PDE6B: variants seen among roughly 807,000 people sequenced by gnomAD.
PDE6B encodes the protein rod cGMP-specific 3',5'-cyclic phosphodiesterase subunit beta.
PDE6B carries 106 observed loss-of-function variants against 109.0 expected under a neutral mutation model. The ratio of observed to expected loss-of-function variants is 0.97; its 90% CI spans 0.83 to 1.14. The LOEUF is 1.14. Among genes scored for constraint, PDE6B ranks in the 50% most tolerant of loss-of-function variants. The pLI is 0.00. For missense variants in PDE6B, 1,193 were observed against 1,155.6 expected (o/e 1.03, Z -0.47); for synonymous variants, 490 against 471.3 (o/e 1.04, Z -0.51).
chr4:641,683 G>C lies in PDE6B; in HGVS notation c.711+5714G>C, dbSNP rs576779988. Among the ~76,000 whole-genome samples, 4 of 152,326 alleles carry C rather than the reference G, an allele frequency of 2.6e-5. No homozygotes were observed. The South Asian group carries it at 6.2e-4, about 24-fold the overall frequency. On this transcript the variant is annotated intron_variant, in intron 3 of 21. Coordinates refer to ENST00000496514, the MANE Select transcript of PDE6B (RefSeq NM_000283.4). ...GTTTTCTGAGACAGAGTCTCACTCT[G>C]TCACCCAAGCTAGAGTGCAGTGGTG... is the stretch of plus-strand genomic sequence containing the variant.
At chr4:635,416 T>C (rs1377608739) in intron 2 of PDE6B, among the ~76,000 whole-genome samples, 63 of 105,476 alleles carry the variant, frequency 6.0e-4, no homozygotes, top group Non-Finnish European at 7.8e-4. Context: ...TGTTCTGTGC[T>C]GTGCGTCCAC....
intron 11 of PDE6B, among the ~76,000 whole-genome samples, chr4:659,708 GT>G (rs1042638023): frequency 1.4e-5 from 2 of 146,912 alleles, no homozygotes; most frequent in African/African-American, 2.5e-5. Flanking sequence ...TTGTGTGTGT[GT>G]GCCCGTGTGT....
At chr4:635,326 T>C (rs371436370) in intron 2 of PDE6B, among the ~76,000 whole-genome samples, 61 of 88,004 alleles carry the variant, frequency 6.9e-4, no homozygotes, top group South Asian at 8.8e-4. Context: ...TTCTGTGCTG[T>C]GCGTCCACCT....
chr4:658,804 C>G, intron 10 of PDE6B, 148 bp from the exon 11 acceptor site: 2 of 688,790 alleles, frequency 2.9e-6, no homozygotes, highest in East Asian at 5.5e-5. Context: ...TCATTTGTCT[C>G]CAGATCAGAG....
intron 6 of PDE6B, chr4:655,340 C>T (rs555653981): frequency 1.3e-4 from 36 of 278,596 alleles, no homozygotes; most frequent in African/African-American, 7.5e-4. Context: ...GGCAGGACTC[C>T]AGCCAAGGGA....
intron 3 of PDE6B, among the ~76,000 whole-genome samples, chr4:638,131 G>A (rs1332379423): frequency 6.6e-6 from 1 of 152,160 alleles, no homozygotes; most frequent in Non-Finnish European, 1.5e-5. Flanking sequence ...TGGAACTGTA[G>A]TCTGATGGGT....
At position 670,197 on chromosome 4, in the gene PDE6B, G is replaced by T; in HGVS notation, c.*90G>T. On this transcript the variant is annotated 3_prime_UTR_variant, in exon 22 of 22. Transcript: ENST00000496514. ...TGTGGCTATTTGCTACAAGAGGTTA[G>T]GAAGCCCAAGAAAATGACTGAAGAT... 1 of 1,599,888 alleles carries T rather than the reference G, an allele frequency of 6.3e-7. No homozygotes were observed.
rs749479647 is a variant in PDE6B at position 626,046 on chromosome 4, C to T, written c.420C>T (p.Gly140=). The change falls in exon 1 of 22, where the codon GGC becomes GGT. Residue 140 remains glycine (G), a synonymous_variant. Transcript: ENST00000496514. This position sits in a 1 kb window ranked among gnomAD's most constrained non-coding sequence, Gnocchi z 4.6. ...TCCCACTGGACATCGGGGTCGTGGG[C>T]CACGTGGCTCAGACCAAAAAGATGG... ...IVFPLDIGVV[G]HVAQTKKMVN... 1.3e-6 allele frequency: 2 copies of T among 1,595,214 alleles called. No homozygotes were observed.
intron 6 of PDE6B, chr4:655,523 C>T: frequency 2.8e-6 from 1 of 354,086 alleles, no homozygotes; most frequent in South Asian, 2.4e-5. Flanking sequence ...GCCATACGGC[C>T]TCCGGAGAGG....
intron 3 of PDE6B, 150 bp from the exon 4 acceptor site, chr4:653,702 A>G (rs1379118238): frequency 5.5e-6 from 5 of 901,094 alleles, no homozygotes; most frequent in Admixed American, 2.0e-5. Flanking sequence ...GGAGCCACCA[A>G]TCAGGGTCTG....
Position 663,709 on chromosome 4 carries a change from TC to T in PDE6B, c.1921-57del. 2 of 1,256,236 alleles carry T rather than the reference TC, an allele frequency of 1.6e-6. No individual in the cohort carries two copies. Among genetic ancestry groups the T allele is most frequent in the Non-Finnish European group, 1.2e-6 (1 of 866,150 alleles). The allele number at this position is 1,256,236 out of a possible 1,614,324, so 77.8% of individuals were successfully genotyped here. A position where few individuals can be genotyped will look rare whatever the true frequency, so the allele number is the denominator to read the frequency against. On this transcript the variant is annotated intron_variant, in intron 15 of 21. Coordinates refer to ENST00000496514, the MANE Select transcript of PDE6B (RefSeq NM_000283.4). The surrounding 1 kb of genome is among the most constrained non-coding windows in gnomAD (Gnocchi z 4.0). Reference sequence around the variant, plus strand: ...GGCAGCCGAGGCGGAAGGGGCGGGGTCCCCGGGCACCCTGAGAGGTGGCCGC... The same window carrying T: ...GGCAGCCGAGGCGGAAGGGGCGGGGTCCCGGGCACCCTGAGAGGTGGCCGC...
chr4:653,016 G>A (rs1735720621), intron 3 of PDE6B: 1 of 200,520 alleles, frequency 5.0e-6, no homozygotes, highest in African/African-American at 2.4e-5. Context: ...TTATTCAACT[G>A]AAGATAAACT....
intron 16 of PDE6B, 90 bp from the exon 17 acceptor site, chr4:664,024 C>A: frequency 8.5e-7 from 1 of 1,172,170 alleles, no homozygotes; most frequent in Non-Finnish European, 1.3e-6. Context: ...TGGGGCCTCG[C>A]TCGGGCTCCG....
rs1370431909 is a variant in PDE6B, at chr4:648,121, G to A, written c.712-5731G>A. ...AGCCAAGAGTCAGGCGTATTTGCCCGTTCTGTTGTCTGGTCACCCCAGCCC... is the reference window on the plus strand; with the variant it reads ...AGCCAAGAGTCAGGCGTATTTGCCCATTCTGTTGTCTGGTCACCCCAGCCC... On this transcript the variant is annotated intron_variant, in intron 3 of 21. Transcript: ENST00000496514. The surrounding 1 kb of genome is among the most constrained non-coding windows in gnomAD (Gnocchi z 4.5). Among the ~76,000 whole-genome samples the A allele has an allele frequency of 1.3e-5, 2 of 151,736 alleles. No individual in the cohort carries two copies. The highest frequency in any genetic ancestry group is 2.9e-5 in the Non-Finnish European group (2 of 68,006).
chr4:643,615 T>C (rs982754392), intron 3 of PDE6B, among the ~76,000 whole-genome samples: 4 of 152,196 alleles, frequency 2.6e-5, no homozygotes, highest in Non-Finnish European at 4.4e-5. Context: ...CAGATTCTTC[T>C]AATTCTCCTG....
intron 3 of PDE6B, among the ~76,000 whole-genome samples, chr4:639,950 A>G (rs752372239): frequency 2.6e-5 from 4 of 152,038 alleles, no homozygotes; most frequent in African/African-American, 7.2e-5. Context: ...GTGAGCCGAG[A>G]TCACCCCACT....
chr4:650,352 G>A (rs1197340090), intron 3 of PDE6B, among the ~76,000 whole-genome samples: 4 of 152,202 alleles, frequency 2.6e-5, no homozygotes, highest in Non-Finnish European at 5.9e-5. Context: ...CTGGGTGTCC[G>A]GCCCCCCCTG....
intron 3 of PDE6B, 25 bp downstream of exon 3, chr4:635,994 T>C: frequency 7.2e-7 from 1 of 1,394,414 alleles, no homozygotes; most frequent in South Asian, 1.2e-5. Flanking sequence ...AGCACAGCTC[T>C]GCCCACGAGG....
chr4:663,025 T>C lies in PDE6B; in HGVS notation c.1833-75T>C. 1.2e-6 allele frequency: 1 copy of C among 855,846 alleles called. No individual in the cohort carries two copies. The highest frequency in any genetic ancestry group is 2.0e-6 in the Non-Finnish European group (1 of 488,808). 53.0% of individuals were successfully genotyped at this position (855,846 alleles called of 1,614,324 possible). On this transcript the variant is annotated intron_variant, in intron 14 of 21. Coordinates refer to ENST00000496514, the MANE Select transcript of PDE6B (RefSeq NM_000283.4). The surrounding 1 kb of genome is among the most constrained non-coding windows in gnomAD (Gnocchi z 4.0). Reference sequence around the variant, plus strand: ...CTCAAAAAAAAGAAAGTGGGGCCCATCTGGGGGGGCTGCAGAGCGCAGGGT... The same window carrying C: ...CTCAAAAAAAAGAAAGTGGGGCCCACCTGGGGGGGCTGCAGAGCGCAGGGT...
Sources: gnomAD v4.1 joint callset for allele counts (sites outside exome capture counted in the v4.1 genomes callset) on GRCh38, gnomAD v4.1.1 for gene constraint, Gnocchi (gnomAD v3.1) non-coding constraint, MANE v1.5 for transcripts, NCBI Gene and HGNC (gene_info 2026-07-23, HGNC 2026-07-21) for gene names.